Variants in SEMA3E observed in about 807,000 individuals in gnomAD.
SEMA3E encodes semaphorin-3E.
In SEMA3E, 49 loss-of-function variants were observed where a neutral mutation model predicts 93.6. The observed-to-expected ratio is 0.52, with a 90% CI of 0.42 to 0.66. SEMA3E has a LOEUF of 0.66. Ranked by LOEUF, SEMA3E falls within the 30% of genes least tolerant of loss-of-function variation. The pLI is 0.00. For missense variants in SEMA3E, 906 were observed against 964.8 expected (o/e 0.94, Z 0.81); for synonymous variants, 363 against 330.7 (o/e 1.10, Z -1.06).
At chr7:83,639,623 A>T (rs1406718808) in intron 1 of SEMA3E, among the ~76,000 whole-genome samples, 1 of 151,046 alleles carries the variant, frequency 6.6e-6, no homozygotes, top group African/African-American at 2.4e-5. Flanking sequence ...GTATTATAAG[A>T]TACTATAACA....
At chr7:83,551,552 A>T (rs541177058) in intron 1 of SEMA3E, among the ~76,000 whole-genome samples, 4 of 152,318 alleles carry the variant, frequency 2.6e-5, no homozygotes, top group African/African-American at 9.6e-5. Flanking sequence ...ACACACAGGT[A>T]GATGTCACAG....
At chr7:83,520,572 G>C (rs975063285) in intron 1 of SEMA3E, among the ~76,000 whole-genome samples, 3 of 152,044 alleles carry the variant, frequency 2.0e-5, no homozygotes, top group African/African-American at 7.2e-5. Context: ...GCTCAAGACT[G>C]GGTCTGCAGC....
At position 83,607,110 on chromosome 7, in the gene SEMA3E, G is replaced by T. The variant is rs566761244; in HGVS notation, c.115+41318C>A. Among the ~76,000 whole-genome samples, 4 of 152,278 alleles carry T rather than the reference G, an allele frequency of 2.6e-5. No individual in the cohort carries two copies. In the East Asian group the frequency reaches 7.7e-4, roughly 29 times the overall value. On this transcript the variant is annotated intron_variant, in intron 1 of 16. Coordinates refer to ENST00000643230, the MANE Select transcript of SEMA3E (RefSeq NM_012431.3). ...TCAACCATTTGGGTGATGCTGAAGA[G>T]CTCCCACTGAGCGAATTTGTGTGTC... is the stretch of plus-strand genomic sequence containing the variant.
At chr7:83,424,647 G>T (rs925440385) in intron 4 of SEMA3E, among the ~76,000 whole-genome samples, 1 of 152,124 alleles carries the variant, frequency 6.6e-6, no homozygotes, top group African/African-American at 2.4e-5. Context: ...CATAATCCTG[G>T]AACCTGTGAA....
In SEMA3E at chr7:83,377,525, T is replaced by C. The variant is rs374236044; in HGVS notation, c.1875+7769A>G. On this transcript the variant is annotated intron_variant, in intron 16 of 16. Transcript: ENST00000643230. ...TTTTCAAATACAGTTTTATTTACGA[T>C]AGGCAGAGGGCCAGATTTGGCCCCC... Among the ~76,000 whole-genome samples the C allele has an allele frequency of 3.9e-5, 6 of 152,132 alleles. No homozygotes were observed. In the South Asian group the frequency reaches 1.2e-3, roughly 32 times the overall value.
In SEMA3E at chr7:83,385,306, T is replaced by C. The variant is rs1483088582; in HGVS notation, c.1863A>G (p.Thr621=). The C allele has an allele frequency of 5.0e-6, 8 of 1,613,336 alleles. No individual in the cohort carries two copies. Among genetic ancestry groups the C allele is most frequent in the East Asian group, 4.5e-5 (2 of 44,828 alleles). The change falls in exon 16 of 17, where the codon ACA becomes ACG. Residue 621 remains threonine (T), a synonymous_variant. Coordinates refer to ENST00000643230, the MANE Select transcript of SEMA3E (RefSeq NM_012431.3). The part of the protein sequence containing the change: ...VIWFVQKGRE[T]RKEEVKTDDR... ...AGCTATGAATTACCTCCTCTTTTCT[T>C]GTCTCACGTCCTTTCTGTACAAACC...
chr7:83,573,922 T>C (rs1250309416), intron 1 of SEMA3E, among the ~76,000 whole-genome samples: 1 of 152,008 alleles, frequency 6.6e-6, no homozygotes, highest in African/African-American at 2.4e-5. Context: ...ATTAATTTAT[T>C]ACTAGCTACT....
intron 4 of SEMA3E, among the ~76,000 whole-genome samples, chr7:83,444,490 T>C (rs1406033475): frequency 1.3e-5 from 2 of 152,112 alleles, no homozygotes; most frequent in East Asian, 3.9e-4. Flanking sequence ...AATGTGATTA[T>C]AGATTTCTAG....
chr7:83,556,411 C>T (rs1051334913), intron 1 of SEMA3E, among the ~76,000 whole-genome samples: 1 of 152,016 alleles, frequency 6.6e-6, no homozygotes, highest in African/African-American at 2.4e-5. Context: ...AATGCCAGGT[C>T]GTTTTAAGAG....
At chr7:83,443,167 G>A (rs1562784850) in intron 4 of SEMA3E, among the ~76,000 whole-genome samples, 1 of 152,180 alleles carries the variant, frequency 6.6e-6, no homozygotes, top group Admixed American at 6.5e-5. Flanking sequence ...ATCAGAAAGA[G>A]ACAGGGTAGT....
At position 83,421,447 on chromosome 7, in the gene SEMA3E, G is replaced by A. The variant is rs1237774033; in HGVS notation, c.457-2964C>T. 2.8e-5 allele frequency among the ~76,000 whole-genome samples: 4 copies of A among 141,608 alleles called. 1 individual carries two copies. Among genetic ancestry groups the A allele is most frequent in the Non-Finnish European group, 6.4e-5 (4 of 62,394 alleles). 92.9% of individuals were successfully genotyped at this position (141,608 alleles called of 152,430 possible). On this transcript the variant is annotated intron_variant, in intron 4 of 16. Coordinates refer to ENST00000643230, the MANE Select transcript of SEMA3E (RefSeq NM_012431.3). ...CAAAATTCTCATTAAAGGTTGTTTT[G>A]TATAATTAATCTCCATTAAGTATAC...
chr7:83,543,101 A>C (rs2115770635), intron 1 of SEMA3E, among the ~76,000 whole-genome samples: 1 of 152,118 alleles, frequency 6.6e-6, no homozygotes, highest in Middle Eastern at 3.4e-3. Context: ...GTATAGTGTT[A>C]AGTTCTTTTT....
chr7:83,472,268 G>A (rs1384357060), intron 2 of SEMA3E, among the ~76,000 whole-genome samples: 4 of 152,094 alleles, frequency 2.6e-5, no homozygotes, highest in Admixed American at 2.0e-4. Context: ...TTGGTGTCAG[G>A]TGCTTTAAAT....
intron 15 of SEMA3E, among the ~76,000 whole-genome samples, chr7:83,386,465 C>T (rs1787885117): frequency 6.6e-6 from 1 of 152,098 alleles, no homozygotes; most frequent in South Asian, 2.1e-4. Context: ...TCCTCCATTC[C>T]TAACCCATCA....
intron 2 of SEMA3E, among the ~76,000 whole-genome samples, chr7:83,478,958 C>T (rs148593525): frequency 2.2e-4 from 34 of 152,312 alleles, no homozygotes; most frequent in Non-Finnish European, 2.6e-4. Flanking sequence ...CATCATGCTG[C>T]TGCCAAAGTA....
intron 1 of SEMA3E, among the ~76,000 whole-genome samples, chr7:83,516,480 A>ATATCT (rs1324871475): frequency 6.6e-6 from 1 of 152,234 alleles, no homozygotes; most frequent in Non-Finnish European, 1.5e-5. Context: ...TAATGAAAGT[A>ATATCT]TAAACTCTTC....
At chr7:83,505,886 A>G (rs2115622825) in intron 1 of SEMA3E, among the ~76,000 whole-genome samples, 1 of 151,446 alleles carries the variant, frequency 6.6e-6, no homozygotes, top group Admixed American at 6.6e-5. Flanking sequence ...GTGGTGCCAC[A>G]TGCCTGCAGT....
chr7:83,635,475 TTTC>T (rs539185818), intron 1 of SEMA3E, among the ~76,000 whole-genome samples: 3 of 151,884 alleles, frequency 2.0e-5, no homozygotes, highest in Non-Finnish European at 4.4e-5. Context: ...AAATGTGTGC[TTTC>T]TTCTTAATAT....
intron 16 of SEMA3E, among the ~76,000 whole-genome samples, chr7:83,381,023 T>C (rs551107342): frequency 6.6e-6 from 1 of 152,144 alleles, no homozygotes; most frequent in African/African-American, 2.4e-5. Flanking sequence ...TGAAGATTTA[T>C]ACTTAATACT....
Sources: allele counts gnomAD v4.1 joint callset (sites outside exome capture counted in the v4.1 genomes callset), GRCh38; gene constraint gnomAD v4.1.1; transcripts MANE v1.5; gene names NCBI Gene and HGNC (gene_info 2026-07-23, HGNC 2026-07-21).